Variants in SMIM3 observed in about 807,000 individuals in gnomAD.
SMIM3 encodes NGF-induced differentiation clone 67 protein.
A neutral mutation model predicts 2.1 loss-of-function variants in SMIM3; 4 were observed. That is an observed-to-expected ratio of 1.89 (90% CI 0.93 to 4.31). The LOEUF is 4.31. Among genes scored for constraint, SMIM3 ranks in the 30% most tolerant of loss-of-function variants. The pLI is 0.01. For synonymous variants in SMIM3, 29 were observed against 30.8 expected (o/e 0.94, Z 0.19); for missense variants, 79 against 77.7 (o/e 1.02, Z -0.06).
At chr5:150,780,339 G>A (rs1440712734) in intron 1 of SMIM3, among the ~76,000 whole-genome samples, 4 of 152,150 alleles carry the variant, frequency 2.6e-5, no homozygotes, top group African/African-American at 7.2e-5. Context: ...CTAGACACAC[G>A]CAAAGCAGCA....
chr5:150,789,028 C>A (rs1276739418), intron 1 of SMIM3, among the ~76,000 whole-genome samples: 1 of 152,114 alleles, frequency 6.6e-6, no homozygotes, highest in African/African-American at 2.4e-5. Context: ...AGAGTTTAGA[C>A]CTGATTGATG....
intron 1 of SMIM3, among the ~76,000 whole-genome samples, chr5:150,793,597 G>A (rs2113207706): frequency 6.6e-6 from 1 of 152,274 alleles, no homozygotes. Flanking sequence ...AACAAATGGT[G>A]CTGGGATAAT....
At chr5:150,792,886 C>CA (rs1753362659) in intron 1 of SMIM3, among the ~76,000 whole-genome samples, 1 of 152,030 alleles carries the variant, frequency 6.6e-6, no homozygotes, top group African/African-American at 2.4e-5. Context: ...AAGTACTGGG[C>CA]AAAAATTAAT....
chr5:150,781,167 G>T lies in SMIM3; in HGVS notation c.-12+2195G>T, dbSNP rs115969196. The stretch of plus-strand genomic sequence containing the variant: ...TAAGTGGCAGAGCTGTAATTTGAAC[G>T]CAGGCACCCTGGCTCCAGGGCCTAT... On this transcript the variant is annotated intron_variant, in intron 1 of 1. Transcript: ENST00000526627. Among the ~76,000 whole-genome samples, 1,167 of 152,280 alleles carry T rather than the reference G, an allele frequency of 7.7e-3. 10 individuals are homozygous for T. Among genetic ancestry groups the T allele is most frequent in the African/African-American group, 0.025 (1,041 of 41,540 alleles).
chr5:150,783,837 G>C (rs897173909), intron 1 of SMIM3, among the ~76,000 whole-genome samples: 5 of 151,058 alleles, frequency 3.3e-5, no homozygotes, highest in Admixed American at 3.3e-4. Flanking sequence ...ACTTTTCACT[G>C]TGGTTTCCTA....
intron 1 of SMIM3, among the ~76,000 whole-genome samples, chr5:150,793,781 GA>G (rs1171777874): frequency 6.6e-6 from 1 of 152,130 alleles, no homozygotes; most frequent in Non-Finnish European, 1.5e-5. Context: ...TCATGACCAA[GA>G]ACCCATAAGC....
intron 1 of SMIM3, among the ~76,000 whole-genome samples, chr5:150,788,377 G>A (rs1268195365): frequency 1.3e-5 from 2 of 152,042 alleles, no homozygotes; most frequent in South Asian, 4.1e-4. Flanking sequence ...TTGACCAGGT[G>A]CGGTCACTCT....
At chr5:150,785,234 T>C (rs1435446864) in intron 1 of SMIM3, among the ~76,000 whole-genome samples, 2 of 151,900 alleles carry the variant, frequency 1.3e-5, no homozygotes, top group African/African-American at 4.8e-5. Context: ...ATTACAGACG[T>C]GTGCCACCAT....
chr5:150,778,884 C>G lies in SMIM3; in HGVS notation c.-100C>G, dbSNP rs748107312. On this transcript the variant is annotated 5_prime_UTR_variant, in exon 1 of 2. Transcript: ENST00000526627. ...TTCCAGGCCTGGGGGTCGCTTCCAG[C>G]TGCCAGATCCCGTGCAGTCCTGGGG... 1 of 498,826 alleles carries G rather than the reference C, an allele frequency of 2.0e-6. No homozygotes were observed. The highest frequency in any genetic ancestry group is 1.5e-5 in the South Asian group (1 of 66,480). 30.9% of individuals were successfully genotyped at this position (498,826 alleles called of 1,614,324 possible).
At chr5:150,783,379 C>G (rs1413961518) in intron 1 of SMIM3, among the ~76,000 whole-genome samples, 1 of 152,190 alleles carries the variant, frequency 6.6e-6, no homozygotes, top group Non-Finnish European at 1.5e-5. Context: ...GCTGGCAAAC[C>G]CTCTAGTCCT....
Position 150,795,510 on chromosome 5 carries a change from GTCC to G in SMIM3, c.73_75del (p.Leu25del). The G allele has an allele frequency of 1.9e-6, 3 of 1,613,562 alleles. No individual in the cohort carries two copies. In the South Asian group the frequency reaches 3.3e-5, roughly 18 times the overall value. The stretch of plus-strand genomic sequence containing the variant: ...GCACATCCTGGATATCTGGGTTATT[GTCC>G]TCATCATCCTGGCCACCATTGTCAT... On this transcript the variant is annotated inframe_deletion, in exon 2 of 2. Coordinates refer to ENST00000526627, the MANE Select transcript of SMIM3 (RefSeq NM_032947.5).
chr5:150,790,073 G>T (rs77841093), intron 1 of SMIM3, among the ~76,000 whole-genome samples: 2 of 152,270 alleles, frequency 1.3e-5, no homozygotes, highest in South Asian at 4.1e-4. Flanking sequence ...GCAGCGACAC[G>T]ATCAGATCTA....
At chr5:150,779,829 A>AG (rs1753212584) in intron 1 of SMIM3, among the ~76,000 whole-genome samples, 41 of 110,998 alleles carry the variant, frequency 3.7e-4, no homozygotes, top group Admixed American at 4.8e-4. Context: ...GAAAGGTGTA[A>AG]CCCCCCCCGC....
rs371096741 is a variant in SMIM3, at chr5:150,795,340, C to A, written c.-11-90C>A. ...TAAAGTTTACATATCTGGTAAGTGA[C>A]CCAGGCTTCTGACTCCTGAGGGTTT... On this transcript the variant is annotated intron_variant, in intron 1 of 1. Transcript: ENST00000526627. 2.4e-4 allele frequency: 325 copies of A among 1,355,000 alleles called. 2 individuals carry two copies. The Middle Eastern group carries it at 0.011, about 45-fold the overall frequency. The allele number at this position is 1,355,000 out of a possible 1,614,324, so 83.9% of individuals were successfully genotyped here.
At position 150,796,039 on chromosome 5, in the gene SMIM3, A is replaced by G; in HGVS notation, c.*416A>G. 5.6e-6 allele frequency: 1 copy of G among 178,126 alleles called. No homozygotes were observed. The highest frequency in any genetic ancestry group is 1.2e-5 in the Non-Finnish European group (1 of 83,086). The allele number at this position is 178,126 out of a possible 1,614,324, so 11.0% of individuals were successfully genotyped here. ...AGAGCAGACTTTGCCAGTGCCCCTC[A>G]GGTCAAACCAAGCCAAGAGCACCCT... On this transcript the variant is annotated 3_prime_UTR_variant, in exon 2 of 2. Transcript: ENST00000526627.
At chr5:150,785,580 CT>C (rs35273478) in intron 1 of SMIM3, among the ~76,000 whole-genome samples, 233 of 113,692 alleles carry the variant, frequency 2.0e-3, no homozygotes, top group East Asian at 3.6e-3. Context: ...TATTTCTTTT[CT>C]TTTTTTTTTT....
At chr5:150,780,319 C>G (rs1484006994) in intron 1 of SMIM3, among the ~76,000 whole-genome samples, 1 of 152,138 alleles carries the variant, frequency 6.6e-6, no homozygotes, top group African/African-American at 2.4e-5. Context: ...GCAGGCCGCA[C>G]AGCAGCCATC....
intron 1 of SMIM3, among the ~76,000 whole-genome samples, chr5:150,790,959 A>G (rs1212977985): frequency 1.3e-5 from 2 of 152,142 alleles, no homozygotes; most frequent in African/African-American, 4.8e-5. Flanking sequence ...TTATTAAGAC[A>G]AAAACAAAAA....
chr5:150,779,606 G>A (rs1013232150), intron 1 of SMIM3, among the ~76,000 whole-genome samples: 1 of 152,158 alleles, frequency 6.6e-6, no homozygotes, highest in Non-Finnish European at 1.5e-5. Context: ...TGGAGAGAAG[G>A]CTTCCTTCAA....
Sources: gnomAD v4.1 joint callset for allele counts (sites outside exome capture counted in the v4.1 genomes callset) on GRCh38, gnomAD v4.1.1 for gene constraint, MANE v1.5 for transcripts, NCBI Gene and HGNC (gene_info 2026-07-23, HGNC 2026-07-21) for gene names.